The following FBXO22 variants were observed in gnomAD, a reference collection of about 807,000 sequenced individuals.
FBXO22 encodes the protein F-box only protein 22.
FBXO22 carries 13 observed loss-of-function variants against 37.2 expected under a neutral mutation model. That is an observed-to-expected ratio of 0.35 (90% CI 0.23 to 0.56). The LOEUF (loss-of-function observed/expected upper bound fraction) is 0.56, where lower values mean the gene tolerates loss of function less well. Ranked by LOEUF, FBXO22 falls within the 20% of genes least tolerant of loss-of-function variation. The probability of loss-of-function intolerance (pLI) is 0.87; values close to 1 mark genes in which losing one functional copy is unlikely to be tolerated. For synonymous variants in FBXO22, 189 were observed against 189.1 expected (o/e 1.00, Z 0.00); for missense variants, 446 against 509.9 (o/e 0.87, Z 1.21).
At chr15:75,917,430 T>C (rs1217456909) in intron 5 of FBXO22, 36 bp downstream of exon 5, 4 of 1,451,084 alleles carry the variant, frequency 2.8e-6, no homozygotes, top group Non-Finnish European at 3.8e-6. Context: ...CTGCTCATTT[T>C]ATTGATTAAT....
intron 6 of FBXO22, among the ~76,000 whole-genome samples, chr15:75,931,117 A>C (rs1210221289): frequency 6.6e-6 from 1 of 152,100 alleles, no homozygotes; most frequent in Non-Finnish European, 1.5e-5. Context: ...TGTCTTTGCT[A>C]TTAACTTAAA....
rs1431102824 is a variant in FBXO22 at position 75,914,845 on chromosome 15, A to C, written c.463+640A>C. On this transcript the variant is annotated intron_variant, in intron 4 of 6. Transcript: ENST00000308275. The stretch of plus-strand genomic sequence containing the variant: ...AACTTCATGGGGCTTCACTGTCCTC[A>C]TCAAGGAAGTGGGGATGATGACAGT... Among the ~76,000 whole-genome samples, 8 of 152,180 alleles carry C rather than the reference A, an allele frequency of 5.3e-5. No homozygotes were observed. In the East Asian group the frequency reaches 1.2e-3, roughly 22 times the overall value.
At chr15:75,912,116 T>C (rs1183134945) in intron 2 of FBXO22, among the ~76,000 whole-genome samples, 1 of 151,962 alleles carries the variant, frequency 6.6e-6, no homozygotes, top group Non-Finnish European at 1.5e-5. Flanking sequence ...ATCCCAGGGG[T>C]GAAGCCGACT....
rs2030465275 is a variant in FBXO22 at position 75,937,408 on chromosome 15, C to G, written c.*4306C>G. ...CCTGTAGTCCTAGCTACTTGGGAGG[C>G]TGAGGCAGGAGAATGGTGTGAACCT... On this transcript the variant is annotated 3_prime_UTR_variant, in exon 7 of 7. Coordinates refer to ENST00000308275, the MANE Select transcript of FBXO22 (RefSeq NM_147188.3). 1 of 146,190 alleles carries G rather than the reference C, an allele frequency of 6.8e-6. No individual in the cohort carries two copies. Among genetic ancestry groups the G allele is most frequent in the African/African-American group, 2.5e-5 (1 of 39,592 alleles). 9.1% of individuals were successfully genotyped at this position (146,190 alleles called of 1,614,324 possible).
At chr15:75,928,920 G>A (rs928568151) in intron 5 of FBXO22, among the ~76,000 whole-genome samples, 3 of 152,014 alleles carry the variant, frequency 2.0e-5, no homozygotes, top group African/African-American at 4.8e-5. Flanking sequence ...AGGCTAATTC[G>A]CCTTTACTCT....
At chr15:75,904,354 C>CTGACA in intron 1 of FBXO22, 137 bp from the exon 2 acceptor site, 1 of 1,328,426 alleles carries the variant, frequency 7.5e-7, no homozygotes, top group Non-Finnish European at 1.1e-6. Flanking sequence ...AGCGCCCTGA[C>CTGACA]TGACACCTAC....
At chr15:75,910,109 A>G (rs935712316) in intron 2 of FBXO22, among the ~76,000 whole-genome samples, 8 of 152,292 alleles carry the variant, frequency 5.3e-5, no homozygotes, top group African/African-American at 9.6e-5. Context: ...TCCTTTTTCT[A>G]TGGCTGCATA....
rs73447002 is a variant in FBXO22, at chr15:75,916,352, A to G, written c.464-878A>G. On this transcript the variant is annotated intron_variant, in intron 4 of 6. Transcript: ENST00000308275. ...TTATTTTCTCACAGTTTGGGAGGCT[A>G]GAAGTCCAAGATCGGGGATGGTCTC... is the stretch of plus-strand genomic sequence containing the variant. Among the ~76,000 whole-genome samples, 710 of 152,286 alleles carry G rather than the reference A, an allele frequency of 4.7e-3. 5 individuals carry two copies. Among genetic ancestry groups the G allele is most frequent in the African/African-American group, 0.016 (669 of 41,566 alleles).
chr15:75,917,259 C>T lies in FBXO22; in HGVS notation c.493C>T (p.Pro165Ser), dbSNP rs759907497. 35 of 1,612,478 alleles carry T rather than the reference C, an allele frequency of 2.2e-5. No homozygotes were observed. Among genetic ancestry groups the T allele is most frequent in the Non-Finnish European group, 3.0e-5 (35 of 1,179,494 alleles). ...VTPMGSGSNR[P>S]QEIEIGESGF... ...TCCAATGGGATCAGGTAGCAATCGACCTCAGGAAATAGAAATTGGAGAATC... is the reference window on the plus strand; with the variant it reads ...TCCAATGGGATCAGGTAGCAATCGATCTCAGGAAATAGAAATTGGAGAATC... The change falls in exon 5 of 7, where the codon CCT (proline) becomes TCT (serine). Residue 165 changes from proline (P) to serine (S), a missense_variant. By Grantham distance (74) the Pro-to-Ser change is moderately conservative. This residue lies in a region of FBXO22 where 315 missense variants were observed against 410.1 expected (regional missense o/e 0.77). Transcript: ENST00000308275.
At chr15:75,930,442 G>A in intron 6 of FBXO22, 1 of 1,010,406 alleles carries the variant, frequency 9.9e-7, no homozygotes, top group African/African-American at 1.7e-5. Context: ...AATATGCCCA[G>A]TGCTGTGGAA....
chr15:75,942,079 A>G lies in FBXO22; in HGVS notation c.*8977A>G, dbSNP rs540712175. On this transcript the variant is annotated 3_prime_UTR_variant, in exon 7 of 7. Transcript: ENST00000308275. The stretch of plus-strand genomic sequence containing the variant: ...GTGAAAGAAGTTAGTCTGAAAGGCT[A>G]CATACTACATGATTTCAAATATATG... 37 of 151,874 alleles carry G rather than the reference A, an allele frequency of 2.4e-4. No homozygotes were observed. The highest frequency in any genetic ancestry group is 8.7e-4 in the African/African-American group (36 of 41,400). The allele number at this position is 151,874 out of a possible 1,614,324, so 9.4% of individuals were successfully genotyped here. A position where few individuals can be genotyped will look rare whatever the true frequency, so the allele number is the denominator to read the frequency against.
chr15:75,909,978 C>T (rs995570528), intron 2 of FBXO22, among the ~76,000 whole-genome samples: 2 of 152,224 alleles, frequency 1.3e-5, no homozygotes, highest in Middle Eastern at 3.4e-3. Flanking sequence ...CATGTGTTTT[C>T]ATTGTTCAAC....
At chr15:75,911,558 TTC>T (rs1900052740) in intron 2 of FBXO22, among the ~76,000 whole-genome samples, 1 of 152,012 alleles carries the variant, frequency 6.6e-6, no homozygotes, top group Non-Finnish European at 1.5e-5. Flanking sequence ...TGATTTGGCT[TTC>T]TGTTTGTCTG....
chr15:75,913,100 T>A, intron 2 of FBXO22, 103 bp from the exon 3 acceptor site: 2 of 676,934 alleles, frequency 3.0e-6, no homozygotes, highest in Non-Finnish European at 2.5e-6. Context: ...AATCCTGAGT[T>A]CTAATTTGAT....
chr15:75,931,363 TA>T (rs1162533244), intron 6 of FBXO22, among the ~76,000 whole-genome samples: 1 of 152,162 alleles, frequency 6.6e-6, no homozygotes, highest in Non-Finnish European at 1.5e-5. Flanking sequence ...AACCATTGAG[TA>T]AATGAGGGCT....
At chr15:75,921,991 CT>C (rs373750491) in intron 5 of FBXO22, among the ~76,000 whole-genome samples, 1,868 of 143,676 alleles carry the variant, frequency 0.013, 34 homozygotes, top group African/African-American at 0.04. Context: ...TTACAGTTAA[CT>C]TTTTTTTTTT....
chr15:75,904,676 T>C, intron 2 of FBXO22, 47 bp downstream of exon 2: 4 of 1,534,118 alleles, frequency 2.6e-6, no homozygotes, highest in Non-Finnish European at 3.5e-6. Flanking sequence ...GGTTGGTGGT[T>C]CAGTCTTTGA....
At chr15:75,922,650 A>G (rs1900352351) in intron 5 of FBXO22, among the ~76,000 whole-genome samples, 1 of 152,224 alleles carries the variant, frequency 6.6e-6, no homozygotes, top group Non-Finnish European at 1.5e-5. Flanking sequence ...GTCTGGGCTT[A>G]GCTCCTGTAC....
rs1413643693 is a variant in FBXO22 at position 75,926,657 on chromosome 15, GA to G, written c.629-3222del. On this transcript the variant is annotated intron_variant, in intron 5 of 6. Coordinates refer to ENST00000308275, the MANE Select transcript of FBXO22 (RefSeq NM_147188.3). The stretch of plus-strand genomic sequence containing the variant: ...AGCCAGAGGTTGAGGGCGTATCCGG[GA>G]AAAACACTAGTCACAAACGAGTGGC... 7.9e-5 allele frequency among the ~76,000 whole-genome samples: 12 copies of G among 152,266 alleles called. No individual in the cohort carries two copies. The South Asian group carries it at 1.2e-3, about 16-fold the overall frequency.
Sources: allele counts gnomAD v4.1 joint callset (sites outside exome capture counted in the v4.1 genomes callset), GRCh38; gene constraint gnomAD v4.1.1; regional missense constraint gnomAD v4.1.1; transcripts MANE v1.5; gene names NCBI Gene and HGNC (gene_info 2026-07-23, HGNC 2026-07-21).